The following TMEM17 variants were observed in gnomAD, a reference collection of about 807,000 sequenced individuals.
TMEM17 encodes transmembrane protein 17.
TMEM17 carries 15 observed loss-of-function variants against 19.1 expected under a neutral mutation model. That is an observed-to-expected ratio of 0.78 (90% CI 0.52 to 1.21). The LOEUF (loss-of-function observed/expected upper bound fraction) is 1.21, where lower values mean the gene tolerates loss of function less well. Ranked by LOEUF, TMEM17 falls within the 50% of genes most tolerant of loss-of-function variation. The pLI, the probability that TMEM17 is intolerant of heterozygous loss-of-function variation, is 0.00. For synonymous variants in TMEM17, 103 were observed against 86.9 expected, an observed-to-expected ratio of 1.19 and a Z score of -1.03; for missense variants, 245 against 242.3, an observed-to-expected ratio of 1.01 and a Z score of -0.07.
chr2:62,480,974 G>A, the TMEM17 span, among the ~76,000 whole-genome samples: 25 of 151,894 alleles, frequency 1.6e-4, no homozygotes, highest in African/African-American at 5.8e-4. Context: ...ATTTTGATAG[G>A]GATTGCATTG....
chr2:62,488,950 G>T, the TMEM17 span, among the ~76,000 whole-genome samples: 4 of 152,012 alleles, frequency 2.6e-5, no homozygotes, highest in African/African-American at 9.7e-5. Flanking sequence ...ATAATACAGG[G>T]ATGTAGGCTT....
At position 62,506,071 on chromosome 2, in the gene TMEM17, C is replaced by G. The variant is rs72885228; in HGVS notation, c.59G>C (p.Ser20Thr). 1.3e-3 allele frequency: 2,096 copies of G among 1,610,952 alleles called. 29 individuals carry two copies. The African/African-American group carries it at 0.025, about 19-fold the overall frequency. Residue 20 changes from serine to threonine, a missense_variant, in exon 1 of 4, where the codon AGT (serine) becomes ACT (threonine). Ser to Thr is a moderately conservative substitution (Grantham distance 58, BLOSUM62 1). Transcript: ENST00000335390. ...CTCTGGACCGGTCCGATTGGAATCA[C>G]TGAACACGGCCCGGCTGAAGTTTCC... is the stretch of plus-strand genomic sequence containing the variant. ...RLGNFSRAVF[S>T]DSNRTGPESN...
chr2:62,482,426 A>T, the TMEM17 span, among the ~76,000 whole-genome samples: 1 of 152,336 alleles, frequency 6.6e-6, no homozygotes, highest in East Asian at 1.9e-4. Flanking sequence ...ATGGAGACTG[A>T]GAAGTTGTAG....
At chr2:62,502,211 A>G in intron 3 of TMEM17, 1 of 315,906 alleles carries the variant, frequency 3.2e-6, no homozygotes, top group East Asian at 5.3e-5. Flanking sequence ...ATTTCACTTA[A>G]TCACAACAAA....
chr2:62,454,940 A>C, the TMEM17 span, among the ~76,000 whole-genome samples: 1 of 152,080 alleles, frequency 6.6e-6, no homozygotes, highest in Non-Finnish European at 1.5e-5. Flanking sequence ...CTCCTGACCT[A>C]GTGATTTGCC....
At chr2:62,504,419 T>C (rs1442707631) in intron 1 of TMEM17, among the ~76,000 whole-genome samples, 1 of 152,194 alleles carries the variant, frequency 6.6e-6, no homozygotes, top group Non-Finnish European at 1.5e-5. Context: ...TGGGAAAGAA[T>C]AATAAATTGG....
the TMEM17 span, among the ~76,000 whole-genome samples, chr2:62,462,766 G>A: frequency 6.6e-6 from 1 of 152,138 alleles, no homozygotes; most frequent in Admixed American, 6.6e-5. Flanking sequence ...ACGTGGTCTT[G>A]GCCTCCTCAC....
chr2:62,480,298 T>C, the TMEM17 span, among the ~76,000 whole-genome samples: 1 of 152,150 alleles, frequency 6.6e-6, no homozygotes, highest in Non-Finnish European at 1.5e-5. Context: ...TTGAGTTTCT[T>C]GTGTATTCTG....
the TMEM17 span, among the ~76,000 whole-genome samples, chr2:62,457,089 C>G: frequency 6.6e-6 from 1 of 152,232 alleles, no homozygotes; most frequent in Non-Finnish European, 1.5e-5. The surrounding 1 kb of genome is among the most constrained non-coding windows in gnomAD (Gnocchi z 4.2). Flanking sequence ...GAGGCGATAG[C>G]CACCCTGCGA....
chr2:62,471,874 G>A, the TMEM17 span, among the ~76,000 whole-genome samples: 64,958 of 152,142 alleles, frequency 0.43, 14,739 homozygotes, highest in East Asian at 0.67. Flanking sequence ...ACGGGCTGCT[G>A]ACTATAGTCG....
At chr2:62,483,503 T>C in the TMEM17 span, among the ~76,000 whole-genome samples, 2 of 152,034 alleles carry the variant, frequency 1.3e-5, no homozygotes, top group Non-Finnish European at 2.9e-5. Flanking sequence ...ACAAAGCAAA[T>C]AGATGATTAA....
At chr2:62,495,084 AAT>A in the TMEM17 span, among the ~76,000 whole-genome samples, 1 of 152,270 alleles carries the variant, frequency 6.6e-6, no homozygotes, top group African/African-American at 2.4e-5. Flanking sequence ...TCTGTGGAAC[AAT>A]ATATACATTG....
chr2:62,471,910 A>G, the TMEM17 span, among the ~76,000 whole-genome samples: 2 of 152,256 alleles, frequency 1.3e-5, no homozygotes, highest in African/African-American at 4.8e-5. Context: ...CCCATCTGGC[A>G]GAGGGACTCT....
chr2:62,462,867 A>C, the TMEM17 span, among the ~76,000 whole-genome samples: 2 of 152,118 alleles, frequency 1.3e-5, no homozygotes, highest in South Asian at 4.1e-4. Flanking sequence ...CTCGTTATCC[A>C]GCTGGTATCT....
chr2:62,485,599 G>A, the TMEM17 span, among the ~76,000 whole-genome samples: 2 of 152,206 alleles, frequency 1.3e-5, no homozygotes, highest in South Asian at 2.1e-4. Flanking sequence ...GTGGGACGCA[G>A]CTTTTAATAT....
At chr2:62,497,551 G>A (rs1297864357), downstream of TMEM17, among the ~76,000 whole-genome samples, 1 of 151,978 alleles carries the variant, frequency 6.6e-6, no homozygotes, top group Admixed American at 6.6e-5. Flanking sequence ...AATCTCAAGT[G>A]TCACTTTCTT....
At chr2:62,461,783 C>A in the TMEM17 span, among the ~76,000 whole-genome samples, 1 of 152,336 alleles carries the variant, frequency 6.6e-6, no homozygotes, top group East Asian at 1.9e-4. Context: ...CAGCCCCACA[C>A]CTTCATTTTG....
chr2:62,499,888 C>T (rs1335954817), downstream of TMEM17, among the ~76,000 whole-genome samples: 1 of 152,218 alleles, frequency 6.6e-6, no homozygotes, highest in African/African-American at 2.4e-5. Flanking sequence ...TTGTTCTTAA[C>T]CAATTCTCCT....
chr2:62,458,034 T>C, the TMEM17 span, among the ~76,000 whole-genome samples: 1 of 152,204 alleles, frequency 6.6e-6, no homozygotes, highest in African/African-American at 2.4e-5. Context: ...GGGGGAACAC[T>C]TCGCTCCTTT....
Sources: allele counts gnomAD v4.1 joint callset (sites outside exome capture counted in the v4.1 genomes callset), GRCh38; gene constraint gnomAD v4.1.1; non-coding constraint Gnocchi (gnomAD v3.1); transcripts MANE v1.5; gene names NCBI Gene and HGNC (gene_info 2026-07-23, HGNC 2026-07-21).